Variants in PKD2 observed in about 807,000 individuals in gnomAD.
PKD2 encodes polycystin-2.
A neutral mutation model predicts 105.9 loss-of-function variants in PKD2; 48 were observed. The observed-to-expected ratio is 0.45, with a 90% CI of 0.36 to 0.58. The LOEUF (loss-of-function observed/expected upper bound fraction) is 0.58, where lower values mean the gene tolerates loss of function less well. Among genes scored for constraint, PKD2 ranks in the 20% least tolerant of loss-of-function variants. The pLI, the probability that PKD2 is intolerant of heterozygous loss-of-function variation, is 0.00. For missense variants in PKD2, 1,078 were observed against 1,255.3 expected (o/e 0.86, Z 2.13); for synonymous variants, 464 against 481.1 (o/e 0.96, Z 0.46).
intron 13 of PKD2, among the ~76,000 whole-genome samples, chr4:88,072,737 G>A (rs1721078419): frequency 6.6e-6 from 1 of 152,146 alleles, no homozygotes. Flanking sequence ...TCTGCAACAT[G>A]CATTTAAGAA....
intron 2 of PKD2, among the ~76,000 whole-genome samples, chr4:88,032,192 C>G (rs898226068): frequency 6.6e-6 from 1 of 151,704 alleles, no homozygotes. Flanking sequence ...GAAATTTTTT[C>G]TTTGCTTTCT....
At chr4:88,024,342 A>T (rs1323732216) in intron 2 of PKD2, among the ~76,000 whole-genome samples, 1 of 151,324 alleles carries the variant, frequency 6.6e-6, no homozygotes, top group Admixed American at 6.6e-5. Flanking sequence ...CTGTAATCCC[A>T]GCTACTTAGG....
intron 2 of PKD2, among the ~76,000 whole-genome samples, chr4:88,022,056 TAC>T (rs1185612288): frequency 2.0e-5 from 3 of 152,184 alleles, no homozygotes; most frequent in African/African-American, 7.2e-5. Flanking sequence ...TTGTGCAACC[TAC>T]CATGGCCAGA....
intron 13 of PKD2, among the ~76,000 whole-genome samples, chr4:88,072,138 A>G (rs1721060586): frequency 6.6e-6 from 1 of 151,944 alleles, no homozygotes; most frequent in Admixed American, 6.6e-5. Context: ...GCACGCCACC[A>G]TGCCTGGTTA....
rs1720584736 is a variant in PKD2, at chr4:88,061,822, A to G, written c.2020-84A>G. 4.0e-6 allele frequency: 3 copies of G among 750,550 alleles called. No homozygotes were observed. In the African/African-American group the frequency reaches 5.1e-5, roughly 13 times the overall value. 46.5% of individuals were successfully genotyped at this position (750,550 alleles called of 1,614,324 possible). A position where few individuals can be genotyped will look rare whatever the true frequency, so the allele number is the denominator to read the frequency against. On this transcript the variant is annotated intron_variant, in intron 9 of 14. Coordinates refer to ENST00000237596, the MANE Select transcript of PKD2 (RefSeq NM_000297.4). ...CAGATTAGGAAAAAAAGGATAAACA[A>G]AAAGGCATGTGTCATTTTTTTGATT...
intron 7 of PKD2, among the ~76,000 whole-genome samples, chr4:88,054,876 G>A (rs953186432): frequency 5.3e-5 from 8 of 151,366 alleles, no homozygotes; most frequent in African/African-American, 1.2e-4. Context: ...GGATGGTCTC[G>A]ATCTCCTGAC....
intron 9 of PKD2, among the ~76,000 whole-genome samples, chr4:88,060,311 T>C (rs959173654): frequency 6.6e-5 from 10 of 152,192 alleles, no homozygotes; most frequent in African/African-American, 2.4e-4. Context: ...TATATTCTAT[T>C]CTCATTTCTG....
At chr4:88,025,336 T>C (rs908655545) in intron 2 of PKD2, among the ~76,000 whole-genome samples, 1 of 152,094 alleles carries the variant, frequency 6.6e-6, no homozygotes, top group African/African-American at 2.4e-5. Context: ...CGCACACCTG[T>C]AGTCCCAATT....
At chr4:88,049,717 T>G (rs150302836) in intron 6 of PKD2, among the ~76,000 whole-genome samples, 4 of 152,300 alleles carry the variant, frequency 2.6e-5, no homozygotes, top group Non-Finnish European at 5.9e-5. Context: ...TTGCTTATGC[T>G]TACCCAAAAC....
chr4:88,062,713 T>A (rs2110134884), intron 10 of PKD2, among the ~76,000 whole-genome samples: 1 of 152,310 alleles, frequency 6.6e-6, no homozygotes, highest in African/African-American at 2.4e-5. Context: ...TAAGTCATAG[T>A]GGCTCCTTAA....
intron 13 of PKD2, among the ~76,000 whole-genome samples, chr4:88,070,630 A>AG (rs1491391637): frequency 6.8e-6 from 1 of 146,954 alleles, no homozygotes; most frequent in East Asian, 2.0e-4. Flanking sequence ...AGAGAGAGAA[A>AG]GAGAGAGAGA....
intron 9 of PKD2, among the ~76,000 whole-genome samples, chr4:88,058,883 GAGA>G (rs1259747451): frequency 2.6e-5 from 4 of 151,980 alleles, no homozygotes; most frequent in African/African-American, 9.7e-5. Flanking sequence ...ATTGTCTACT[GAGA>G]AGGTGTTAAG....
At position 88,051,999 on chromosome 4, in the gene PKD2, G is replaced by A. The variant is rs1315190693; in HGVS notation, c.1557G>A (p.Val519=). The change falls in exon 7 of 15, where the codon GTG becomes GTA. Residue 519 remains valine (V), a synonymous_variant. Transcript: ENST00000237596. The stretch of plus-strand genomic sequence containing the variant: ...AATATTTTGCTTTTCAGCTGTCAGT[G>A]GTAGCTATAGGAATTAACATATACA... ...CLDVVIVVLS[V]VAIGINIYRT... The A allele has an allele frequency of 1.3e-6, 2 of 1,576,656 alleles. No homozygotes were observed. The highest frequency in any genetic ancestry group is 1.7e-5 in the Admixed American group (1 of 59,726).
At chr4:88,047,607 G>A (rs2110116980) in intron 6 of PKD2, among the ~76,000 whole-genome samples, 1 of 152,232 alleles carries the variant, frequency 6.6e-6, no homozygotes, top group African/African-American at 2.4e-5. Flanking sequence ...ATTTTGTGCG[G>A]CAGAGAAAAC....
At position 88,033,248 on chromosome 4, in the gene PKD2, G is replaced by A. The variant is rs28384219; in HGVS notation, c.710-2972G>A. ...TTGAGACCAGCCTGGGCAGCATGGCGAAACCCCGTCTCTACAAAAAATTTG... is the reference window on the plus strand; with the variant it reads ...TTGAGACCAGCCTGGGCAGCATGGCAAAACCCCGTCTCTACAAAAAATTTG... On this transcript the variant is annotated intron_variant, in intron 2 of 14. Coordinates refer to ENST00000237596, the MANE Select transcript of PKD2 (RefSeq NM_000297.4). 4.2e-3 allele frequency among the ~76,000 whole-genome samples: 646 copies of A among 152,078 alleles called. 2 individuals carry two copies. Among genetic ancestry groups the A allele is most frequent in the African/African-American group, 0.015 (605 of 41,480 alleles).
intron 1 of PKD2, among the ~76,000 whole-genome samples, chr4:88,013,424 G>T (rs1351203132): frequency 6.6e-6 from 1 of 152,194 alleles, no homozygotes; most frequent in Admixed American, 6.5e-5. Context: ...GCAAAGAGAG[G>T]ATAAGGCCAG....
At chr4:88,066,465 G>A (rs1452686033) in intron 12 of PKD2, among the ~76,000 whole-genome samples, 2 of 151,030 alleles carry the variant, frequency 1.3e-5, no homozygotes, top group East Asian at 3.9e-4. Context: ...GGGTTCAAGC[G>A]ATTCTCTTGC....
At chr4:88,044,286 G>A (rs550065999) in intron 5 of PKD2, among the ~76,000 whole-genome samples, 1 of 152,276 alleles carries the variant, frequency 6.6e-6, no homozygotes, top group African/African-American at 2.4e-5. Context: ...GGAAGTCAGA[G>A]TTCACCCACT....
chr4:88,043,782 G>T (rs1278163328), intron 5 of PKD2, among the ~76,000 whole-genome samples: 1 of 152,142 alleles, frequency 6.6e-6, no homozygotes, highest in Non-Finnish European at 1.5e-5. Context: ...AGTGCCACAT[G>T]TTCCATCACC....
Sources: gnomAD v4.1 joint callset for allele counts (sites outside exome capture counted in the v4.1 genomes callset) on GRCh38, gnomAD v4.1.1 for gene constraint, MANE v1.5 for transcripts, NCBI Gene and HGNC (gene_info 2026-07-23, HGNC 2026-07-21) for gene names.